WDR4: variants seen among roughly 807,000 people sequenced by gnomAD.
WDR4 encodes the protein tRNA (guanine-N(7)-)-methyltransferase non-catalytic subunit WDR4.
A neutral mutation model predicts 48.6 loss-of-function variants in WDR4; 47 were observed. The observed-to-expected ratio is 0.97, with a 90% CI of 0.77 to 1.23. The LOEUF is 1.23. WDR4 is among the 50% of genes most tolerant of loss of function. The probability of loss-of-function intolerance (pLI) is 0.00; values close to 1 mark genes in which losing one functional copy is unlikely to be tolerated. For missense variants in WDR4, 606 were observed against 551.6 expected (o/e 1.10, Z -0.99); for synonymous variants, 268 against 230.0 (o/e 1.17, Z -1.49).
chr21:42,853,629 C>T lies in WDR4; in HGVS notation c.915G>A (p.Val305=), dbSNP rs2057897465. The T allele has an allele frequency of 1.2e-6, 2 of 1,607,738 alleles. No homozygotes were observed. The highest frequency in any genetic ancestry group is 3.3e-4 in the Middle Eastern group (2 of 6,048). ...GGGGGGCTTCCTGGCAGTCCTGGAG[C>T]ACCCACAGCCCCTGGGTCTCCTCGA... The part of the protein sequence containing the change: ...VAFEETQGLW[V]LQDCQEAPLV... The change falls in exon 9 of 11, where the codon GTG becomes GTA. Residue 305 remains valine, a synonymous_variant. Transcript: ENST00000398208.
At chr21:42,883,395 A>G (rs957364235), upstream of WDR4, among the ~76,000 whole-genome samples, 3 of 151,958 alleles carry the variant, frequency 2.0e-5, no homozygotes, top group African/African-American at 7.3e-5. Context: ...AAATTGTGTA[A>G]AAACAAAAAT....
intron 3 of WDR4, among the ~76,000 whole-genome samples, chr21:42,866,501 C>T (rs896534864): frequency 2.6e-5 from 4 of 152,122 alleles, no homozygotes; most frequent in African/African-American, 4.8e-5. Context: ...TAAGCGTGGG[C>T]GGTTTTCTGG....
intron 3 of WDR4, among the ~76,000 whole-genome samples, chr21:42,869,693 A>C (rs1231315054): frequency 6.6e-6 from 1 of 152,208 alleles, no homozygotes; most frequent in Admixed American, 6.5e-5. Context: ...ACAAAACACA[A>C]ATGATTCTTA....
intron 10 of WDR4, among the ~76,000 whole-genome samples, chr21:42,851,450 G>C (rs186322853): frequency 9.5e-4 from 145 of 152,344 alleles, no homozygotes; most frequent in African/African-American, 3.2e-3. Flanking sequence ...TCCGACCTCA[G>C]TGTGAATCCC....
chr21:42,867,080 T>C (rs888338950), intron 3 of WDR4, among the ~76,000 whole-genome samples: 4 of 152,154 alleles, frequency 2.6e-5, no homozygotes. Context: ...GAAGTTATAC[T>C]GCTGACATCA....
chr21:42,854,719 C>T (rs1044399276), intron 7 of WDR4, 93 bp from the exon 8 acceptor site: 1 of 1,154,124 alleles, frequency 8.7e-7, no homozygotes, highest in African/African-American at 1.5e-5. Flanking sequence ...GAAGGACGCT[C>T]ACGCCCCCAC....
chr21:42,852,266 G>A lies in WDR4; in HGVS notation c.1034C>T (p.Ala345Val). The A allele has an allele frequency of 6.2e-7, 1 of 1,614,112 alleles. No individual in the cohort carries two copies. Among genetic ancestry groups the A allele is most frequent in the Non-Finnish European group, 8.5e-7 (1 of 1,180,018 alleles). Residue 345 changes from alanine to valine, a missense_variant, in exon 10 of 11, where the codon GCC becomes GTC. Ala to Val is a moderately conservative substitution (Grantham distance 64). Coordinates refer to ENST00000398208, the MANE Select transcript of WDR4 (RefSeq NM_018669.6). ...KVSGVLRGNWAMLEGSAGADA... is the reference protein window; with the variant it reads ...KVSGVLRGNWVMLEGSAGADA... ...ACCCGTGCTCTCACCTTCCAGCATG[G>A]CCCAGTTCCCACGAAGAACACCAGA... is the stretch of plus-strand genomic sequence containing the variant.
chr21:42,844,037 AAC>A (rs1309206366), intron 11 of WDR4, among the ~76,000 whole-genome samples: 2 of 152,190 alleles, frequency 1.3e-5, no homozygotes, highest in Non-Finnish European at 2.9e-5. Context: ...GAGATGAAAA[AAC>A]ACAATGGCTC....
the WDR4 span, among the ~76,000 whole-genome samples, chr21:42,887,999 G>C: frequency 2.6e-5 from 4 of 151,898 alleles, no homozygotes; most frequent in African/African-American, 9.7e-5. Flanking sequence ...TATATTTTAG[G>C]TAGTAAATGA....
chr21:42,886,082 G>A, the WDR4 span, among the ~76,000 whole-genome samples: 4 of 150,766 alleles, frequency 2.7e-5, no homozygotes, highest in South Asian at 2.1e-4. Context: ...TCAGCCTCCC[G>A]AGTAGCTGGG....
chr21:42,847,001 G>A (rs957325919), downstream of WDR4, among the ~76,000 whole-genome samples: 6 of 151,154 alleles, frequency 4.0e-5, no homozygotes, highest in African/African-American at 1.2e-4. Flanking sequence ...TTGTGCCACC[G>A]CACTCCAGCC....
At chr21:42,860,324 G>A (rs931530849) in intron 5 of WDR4, among the ~76,000 whole-genome samples, 1 of 152,224 alleles carries the variant, frequency 6.6e-6, no homozygotes, top group African/African-American at 2.4e-5. Flanking sequence ...TGGCCTGCAA[G>A]CACAGGACTC....
downstream of WDR4, among the ~76,000 whole-genome samples, chr21:42,846,328 CAG>C (rs1454415315): frequency 2.0e-5 from 3 of 152,204 alleles, no homozygotes; most frequent in African/African-American, 7.2e-5. Flanking sequence ...ATGAGCCTCA[CAG>C]AGAGTGGAGC....
upstream of WDR4, among the ~76,000 whole-genome samples, chr21:42,881,942 C>T (rs2058613358): frequency 6.6e-6 from 1 of 152,188 alleles, no homozygotes; most frequent in African/African-American, 2.4e-5. Flanking sequence ...GCTGGAATTA[C>T]AGGCATGTGC....
At chr21:42,882,203 G>C (rs953073692), upstream of WDR4, among the ~76,000 whole-genome samples, 1 of 150,998 alleles carries the variant, frequency 6.6e-6, no homozygotes, top group Non-Finnish European at 1.5e-5. Flanking sequence ...CCCAACTATG[G>C]CCATTTTTAT....
At chr21:42,855,175 C>T (rs2057954177) in intron 7 of WDR4, among the ~76,000 whole-genome samples, 1 of 152,012 alleles carries the variant, frequency 6.6e-6, no homozygotes, top group Non-Finnish European at 1.5e-5. Flanking sequence ...TTCCAGGAAC[C>T]TGAGTCCACG....
chr21:42,877,108 G>T (rs1004418296), intron 1 of WDR4, among the ~76,000 whole-genome samples: 1 of 132,672 alleles, frequency 7.5e-6, no homozygotes, highest in Admixed American at 7.2e-5. Flanking sequence ...CACTGCGCCT[G>T]GCCCATGTGA....
chr21:42,876,733 C>T lies in WDR4; in HGVS notation c.124G>A (p.Ala42Thr). Residue 42 changes from alanine (A) to threonine (T), a missense_variant, in exon 2 of 11, where the codon GCT (alanine) becomes ACT (threonine). Coordinates refer to ENST00000398208, the MANE Select transcript of WDR4 (RefSeq NM_018669.6). Reference sequence around the variant, plus strand: ...TTTTCTTGTGACTTCTTTTCTGCAGCACTGCAGTCATAGATGAAGAGGCTG... The same window carrying T: ...TTTTCTTGTGACTTCTTTTCTGCAGTACTGCAGTCATAGATGAAGAGGCTG... ...DDSLFIYDCS[A>T]AEKKSQENKG... 1.9e-6 allele frequency: 3 copies of T among 1,613,570 alleles called. No homozygotes were observed. The highest frequency in any genetic ancestry group is 2.5e-6 in the Non-Finnish European group (3 of 1,179,804).
chr21:42,859,855 C>T (rs1313031515), intron 5 of WDR4, 133 bp from the exon 6 acceptor site: 4 of 910,806 alleles, frequency 4.4e-6, no homozygotes, highest in Non-Finnish European at 6.9e-6. Context: ...TAAAAACAGC[C>T]AACATGGGAA....
Sources: gnomAD v4.1 joint callset for allele counts (sites outside exome capture counted in the v4.1 genomes callset) on GRCh38, gnomAD v4.1.1 for gene constraint, MANE v1.5 for transcripts, NCBI Gene and HGNC (gene_info 2026-07-23, HGNC 2026-07-21) for gene names.